LRP1B: variants seen among roughly 807,000 people sequenced by gnomAD.
LRP1B encodes LDL receptor related protein 1B, also known as low-density lipoprotein receptor-related protein 1B.
LRP1B carries 217 observed loss-of-function variants against 556.6 expected under a neutral mutation model. The ratio of observed to expected loss-of-function variants is 0.39; its 90% CI spans 0.35 to 0.44. The LOEUF (loss-of-function observed/expected upper bound fraction) is 0.44. Ranked by LOEUF, LRP1B falls within the 20% of genes least tolerant of loss-of-function variation. The pLI is 1.00. For synonymous variants in LRP1B, 2,047 were observed against 1,865.8 expected (o/e 1.10, Z -2.50); for missense variants, 5,053 against 5,620.8 (o/e 0.90, Z 3.23).
intron 2 of LRP1B, among the ~76,000 whole-genome samples, chr2:141,534,624 A>G (rs1236878932): frequency 6.6e-6 from 1 of 152,084 alleles, no homozygotes; most frequent in Non-Finnish European, 1.5e-5. Flanking sequence ...TATATATATA[A>G]AAGTTGCAGT....
chr2:141,412,145 G>C (rs186221946), intron 3 of LRP1B, among the ~76,000 whole-genome samples: 3,048 of 150,130 alleles, frequency 0.02, 114 homozygotes, highest in African/African-American at 0.07. Flanking sequence ...AAAACTATCA[G>C]CTTTGGCTAA....
chr2:141,953,632 G>T (rs573179022), intron 1 of LRP1B, among the ~76,000 whole-genome samples: 2 of 151,968 alleles, frequency 1.3e-5, no homozygotes, highest in Non-Finnish European at 1.5e-5. Context: ...TCCAAGAGTC[G>T]CCTAGTTTGA....
intron 2 of LRP1B, among the ~76,000 whole-genome samples, chr2:141,677,374 A>G (rs1266971201): frequency 1.3e-5 from 2 of 152,172 alleles, no homozygotes; most frequent in African/African-American, 4.8e-5. Context: ...TTGAAATTCT[A>G]TCACTGAAGA....
At chr2:140,349,599 A>G (rs936009967) in intron 77 of LRP1B, among the ~76,000 whole-genome samples, 1 of 151,784 alleles carries the variant, frequency 6.6e-6, no homozygotes, top group East Asian at 1.9e-4. Flanking sequence ...CTTGAAATAG[A>G]GAGTACCAAG....
intron 71 of LRP1B, among the ~76,000 whole-genome samples, chr2:140,368,862 A>AT (rs1682870960): frequency 6.6e-6 from 1 of 151,880 alleles, no homozygotes; most frequent in Admixed American, 6.6e-5. Context: ...TAAAGTGGTA[A>AT]TGCCTTAAGG....
intron 2 of LRP1B, among the ~76,000 whole-genome samples, chr2:141,684,636 G>A (rs1457562717): frequency 6.6e-6 from 1 of 151,954 alleles, no homozygotes; most frequent in African/African-American, 2.4e-5. Context: ...CGAGAACTCT[G>A]TGAAGAGATT....
intron 41 of LRP1B, among the ~76,000 whole-genome samples, chr2:140,693,316 C>G (rs1686311941): frequency 1.3e-5 from 2 of 151,978 alleles, no homozygotes; most frequent in South Asian, 4.1e-4. Flanking sequence ...ATCATTTTGG[C>G]TGCTTTTTGT....
intron 1 of LRP1B, among the ~76,000 whole-genome samples, chr2:142,088,974 C>CAAAAAAAA (rs1289382985): frequency 2.5e-5 from 1 of 39,724 alleles, no homozygotes; most frequent in Non-Finnish European, 4.8e-5. Context: ...GGCTCCGTCT[C>CAAAAAAAA]AAAAAAAAAA....
chr2:141,074,595 A>C (rs529618061), intron 7 of LRP1B, among the ~76,000 whole-genome samples: 2,976 of 106,450 alleles, frequency 0.028, 38 homozygotes, highest in Middle Eastern at 0.074. Flanking sequence ...CTCTCTATAT[A>C]TATATATATA....
At chr2:140,657,632 TATATATACATAC>T (rs1405541548) in intron 41 of LRP1B, among the ~76,000 whole-genome samples, 14 of 145,420 alleles carry the variant, frequency 9.6e-5, no homozygotes, top group African/African-American at 3.3e-4. Context: ...TATACATACA[TATATATACATAC>T]ATATATACAT....
chr2:140,334,483 A>G lies in LRP1B; in HGVS notation c.12193T>C (p.Leu4065=), dbSNP rs781240916. The change falls in exon 79 of 91, where the codon TTA becomes CTA. Residue 4065 remains leucine, a synonymous_variant. Transcript: ENST00000389484. ...GGTCTCTGTAAGTTCTTTTGTACTA[A>G]AATCCTTCTCAGTGTACCATCCATG... ...AAMDGTLRRI[L]VQKNLQRPTG... 19 of 1,610,760 alleles carry G rather than the reference A, an allele frequency of 1.2e-5. No individual in the cohort carries two copies. The highest frequency in any genetic ancestry group is 1.6e-5 in the Non-Finnish European group (19 of 1,178,072).
intron 41 of LRP1B, among the ~76,000 whole-genome samples, chr2:140,686,240 G>A (rs1031993367): frequency 6.6e-6 from 1 of 152,146 alleles, no homozygotes; most frequent in Non-Finnish European, 1.5e-5. Flanking sequence ...AAAATCTGGA[G>A]AGGAGGTAAA....
Position 141,615,167 on chromosome 2 carries a change from A to C in LRP1B, c.206-134634T>G, listed in dbSNP as rs373146814. On this transcript the variant is annotated intron_variant, in intron 2 of 90. Coordinates refer to ENST00000389484, the MANE Select transcript of LRP1B (RefSeq NM_018557.3). The stretch of plus-strand genomic sequence containing the variant: ...TGGCTGAATTATTTCTACTTTGGAG[A>C]GGAAGGTAAATCGGTTAGTGATAAA... Among the ~76,000 whole-genome samples the C allele has an allele frequency of 3.9e-5, 6 of 152,204 alleles. No individual in the cohort carries two copies. In the East Asian group the frequency reaches 9.6e-4, roughly 24 times the overall value.
At chr2:140,851,833 G>T (rs1339870931) in intron 27 of LRP1B, 50 bp from the exon 28 acceptor site, 1 of 1,538,892 alleles carries the variant, frequency 6.5e-7, no homozygotes, top group African/African-American at 1.4e-5. Flanking sequence ...GAATGTATTA[G>T]GGAAGCTCTG....
chr2:142,114,719 G>A (rs539337862), intron 1 of LRP1B, among the ~76,000 whole-genome samples: 15 of 152,216 alleles, frequency 9.9e-5, no homozygotes, highest in Admixed American at 2.6e-4. Flanking sequence ...CATGAAGGTA[G>A]AGAGTAGAGC....
chr2:140,257,893 G>C (rs1475360060), intron 86 of LRP1B, among the ~76,000 whole-genome samples: 1 of 152,138 alleles, frequency 6.6e-6, no homozygotes, highest in Non-Finnish European at 1.5e-5. Context: ...TTCTCTAAGG[G>C]ACCACAAGGT....
chr2:141,683,432 A>G (rs1691174613), intron 2 of LRP1B, among the ~76,000 whole-genome samples: 1 of 152,132 alleles, frequency 6.6e-6, no homozygotes, highest in South Asian at 2.1e-4. Context: ...GCTGCTGCTG[A>G]GAGCTCAGAA....
chr2:140,516,552 A>AT (rs1050819468), intron 50 of LRP1B, among the ~76,000 whole-genome samples: 2 of 152,008 alleles, frequency 1.3e-5, no homozygotes, highest in African/African-American at 2.4e-5. Flanking sequence ...TCAAATCCTT[A>AT]TTTTTTATAG....
At chr2:140,482,114 G>A (rs1024167081) in intron 59 of LRP1B, among the ~76,000 whole-genome samples, 3 of 151,820 alleles carry the variant, frequency 2.0e-5, no homozygotes, top group Admixed American at 6.6e-5. Context: ...CTACATACTA[G>A]ACTGAAACAT....
Sources: gnomAD v4.1 joint callset for allele counts (sites outside exome capture counted in the v4.1 genomes callset) on GRCh38, gnomAD v4.1.1 for gene constraint, MANE v1.5 for transcripts, NCBI Gene and HGNC (gene_info 2026-07-23, HGNC 2026-07-21) for gene names.